STX1B: variants seen among roughly 807,000 people sequenced by gnomAD.
STX1B encodes syntaxin-1B.
In STX1B, 7 loss-of-function variants were observed where a neutral mutation model predicts 39.4. The ratio of observed to expected loss-of-function variants is 0.18; its 90% CI spans 0.10 to 0.33. The LOEUF (loss-of-function observed/expected upper bound fraction) is 0.33, where lower values mean the gene tolerates loss of function less well. Ranked by LOEUF, STX1B falls within the 10% of genes least tolerant of loss-of-function variation. STX1B has a pLI of 1.00. For missense variants in STX1B, 198 were observed against 383.2 expected (o/e 0.52, Z 4.04); for synonymous variants, 136 against 144.1 (o/e 0.94, Z 0.40).
chr16:31,000,824 C>T, intron 4 of STX1B, 104 bp downstream of exon 4: 2 of 1,159,090 alleles, frequency 1.7e-6, no homozygotes, highest in South Asian at 2.6e-5. Flanking sequence ...GTGTTGAACT[C>T]CTGGGATTGA....
chr16:30,999,407 G>T (rs1260221703), intron 4 of STX1B, among the ~76,000 whole-genome samples: 1 of 152,194 alleles, frequency 6.6e-6, no homozygotes, highest in Non-Finnish European at 1.5e-5. Flanking sequence ...ATGTGCCTCG[G>T]ACATTGGAGG....
chr16:30,993,300 C>A (rs1301851801), intron 8 of STX1B, 47 bp downstream of exon 8: 1 of 1,613,402 alleles, frequency 6.2e-7, no homozygotes, highest in East Asian at 2.2e-5. Flanking sequence ...GAGGGGACCT[C>A]AGGCCCAGGG....
rs1239414064 is a variant in STX1B, at chr16:30,997,581, GGA to G, written c.281-8_281-7del. 6.2e-7 allele frequency: 1 copy of G among 1,605,678 alleles called. No homozygotes were observed. Among genetic ancestry groups the G allele is most frequent in the Non-Finnish European group, 8.5e-7 (1 of 1,176,896 alleles). ...TTCAATGCTTTGCTCGATCGCTGCG[GGA>G]GAGAGGGCGCAGCGATGGGCGGGAG... On this transcript the variant is annotated splice_polypyrimidine_tract_variant and splice_region_variant and intron_variant, in intron 4 of 9. Transcript: ENST00000215095.
intron 4 of STX1B, 87 bp from the exon 5 acceptor site, chr16:30,997,662 G>A (rs1226149487): frequency 7.9e-7 from 1 of 1,261,112 alleles, no homozygotes; most frequent in Non-Finnish European, 1.1e-6. Context: ...AACACCCCGC[G>A]GCAGCGCCAG....
rs2056562836 is a variant in STX1B, at chr16:30,992,117, A to ACACG, written c.*703_*704insCGTG. The ACACG allele has an allele frequency of 6.6e-6, 1 of 151,436 alleles. No homozygotes were observed. The allele number at this position is 151,436 out of a possible 1,614,324, so 9.4% of individuals were successfully genotyped here. On this transcript the variant is annotated 3_prime_UTR_variant, in exon 10 of 10. Coordinates refer to ENST00000215095, the MANE Select transcript of STX1B (RefSeq NM_052874.5). ...CACACACACACACACACACACACAC[A>ACACG]TGCACACCCTCCTGGGACATGCCAC...
At chr16:31,003,312 C>T (rs1460707201) in intron 1 of STX1B, among the ~76,000 whole-genome samples, 8 of 152,218 alleles carry the variant, frequency 5.3e-5, no homozygotes, top group Non-Finnish European at 1.5e-5. Flanking sequence ...CTCACAGCTG[C>T]CCCCAGAAAG....
chr16:30,994,663 C>T (rs1292327758), intron 7 of STX1B, among the ~76,000 whole-genome samples: 1 of 151,566 alleles, frequency 6.6e-6, no homozygotes, highest in Non-Finnish European at 1.5e-5. Context: ...TCCACAAACA[C>T]CCAGCCTCAG....
intron 1 of STX1B, among the ~76,000 whole-genome samples, chr16:31,006,770 G>A (rs1220545473): frequency 1.3e-5 from 2 of 152,164 alleles, no homozygotes; most frequent in Admixed American, 6.5e-5. Flanking sequence ...GGAACAGCAT[G>A]CGCGAAGGTC....
intron 1 of STX1B, among the ~76,000 whole-genome samples, chr16:31,006,228 C>A (rs2056654486): frequency 6.6e-6 from 1 of 152,080 alleles, no homozygotes; most frequent in African/African-American, 2.4e-5. Flanking sequence ...CCTCCCCCTG[C>A]GCCCTTTCCC....
At chr16:31,004,750 C>T (rs2143683934) in intron 1 of STX1B, among the ~76,000 whole-genome samples, 1 of 152,150 alleles carries the variant, frequency 6.6e-6, no homozygotes, top group Admixed American at 6.5e-5. Flanking sequence ...TGAGCCTAGT[C>T]TCTGCATTTG....
intron 4 of STX1B, 59 bp from the exon 5 acceptor site, chr16:30,997,634 C>G: frequency 2.0e-6 from 3 of 1,500,566 alleles, no homozygotes; most frequent in Non-Finnish European, 2.7e-6. Context: ...GGCGAGGGTC[C>G]GGGGCGTACG....
At chr16:31,002,346 G>A (rs1261175761) in intron 1 of STX1B, among the ~76,000 whole-genome samples, 1 of 152,122 alleles carries the variant, frequency 6.6e-6, no homozygotes, top group Non-Finnish European at 1.5e-5. Flanking sequence ...GACACAAAGA[G>A]ATTTACCCAC....
rs1226901088 is a variant in STX1B, at chr16:31,001,786, A to G, written c.31-183T>C. Among the ~76,000 whole-genome samples, 1 of 152,192 alleles carries G rather than the reference A, an allele frequency of 6.6e-6. No individual in the cohort carries two copies. Among genetic ancestry groups the G allele is most frequent in the Non-Finnish European group, 1.5e-5 (1 of 68,024 alleles). On this transcript the variant is annotated intron_variant, in intron 1 of 9. Transcript: ENST00000215095. This position sits in a 1 kb window ranked among gnomAD's most constrained non-coding sequence, Gnocchi z 5.5. ...GGCAAAGGCACCAAAAGTGTTTGTC[A>G]GCCCAAAGGATTCCTTAGAAGGAAT...
intron 4 of STX1B, among the ~76,000 whole-genome samples, chr16:30,999,579 G>A (rs1259770141): frequency 3.3e-5 from 5 of 152,206 alleles, no homozygotes; most frequent in Non-Finnish European, 5.9e-5. Context: ...AAATTAGAGT[G>A]AATAAATGAA....
intron 7 of STX1B, among the ~76,000 whole-genome samples, chr16:30,995,989 C>T (rs2056589560): frequency 6.6e-6 from 1 of 152,008 alleles, no homozygotes; most frequent in African/African-American, 2.4e-5. Flanking sequence ...CCAGCCTGGG[C>T]AACAGAGGAA....
chr16:31,010,508 C>G lies in STX1B; in HGVS notation c.-112G>C, dbSNP rs1487273812. The G allele has an allele frequency of 2.2e-5, 14 of 644,232 alleles. No homozygotes were observed. Among genetic ancestry groups the G allele is most frequent in the Admixed American group, 5.6e-5 (1 of 17,964 alleles). The allele number at this position is 644,232 out of a possible 1,614,324, so 39.9% of individuals were successfully genotyped here. A position where few individuals can be genotyped will look rare whatever the true frequency, so the allele number is the denominator to read the frequency against. Reference sequence around the variant, plus strand: ...TGGGGGCGCCGGGGGGCGCCGCGGCCGCTGCGGGGGGCCTGCGGGCGGGGG... The same window carrying G: ...TGGGGGCGCCGGGGGGCGCCGCGGCGGCTGCGGGGGGCCTGCGGGCGGGGG... On this transcript the variant is annotated 5_prime_UTR_variant, in exon 1 of 10. Transcript: ENST00000215095.
rs1567378141 is a variant in STX1B, at chr16:30,997,084, CGGATCAGGGAGGTAGTCAG to C, written c.355-44_355-26del. The C allele has an allele frequency of 5.9e-6, 9 of 1,529,916 alleles. No homozygotes were observed. The South Asian group carries it at 7.9e-5, about 13-fold the overall frequency. The allele number at this position is 1,529,916 out of a possible 1,614,324, so 94.8% of individuals were successfully genotyped here. On this transcript the variant is annotated intron_variant, in intron 5 of 9. Coordinates refer to ENST00000215095, the MANE Select transcript of STX1B (RefSeq NM_052874.5). ...GCTACGGTGGGGGTGGGGGGACAGA[CGGATCAGGGAGGTAGTCAG>C]GGATCAGGGAGGGAGTCAGGGAGCA...
intron 5 of STX1B, among the ~76,000 whole-genome samples, 186 bp downstream of exon 5, chr16:30,997,316 C>T (rs972519008): frequency 3.9e-5 from 6 of 152,180 alleles, no homozygotes; most frequent in Admixed American, 2.6e-4. Flanking sequence ...TGAGATGCGG[C>T]TCGACCCCGC....
At position 31,010,371 on chromosome 16, in the gene STX1B, C is replaced by T. The variant is rs774963206; in HGVS notation, c.26G>A (p.Arg9Gln). The T allele has an allele frequency of 5.3e-6, 8 of 1,502,956 alleles. No individual in the cohort carries two copies. The highest frequency in any genetic ancestry group is 4.0e-5 in the South Asian group (3 of 74,104). 93.1% of individuals were successfully genotyped at this position (1,502,956 alleles called of 1,614,324 possible). A position where few individuals can be genotyped will look rare whatever the true frequency, so the allele number is the denominator to read the frequency against. Reference protein sequence around the residue: MKDRTQELRSAKDSDDEEE... With the variant: MKDRTQELQSAKDSDDEEE... ...TCTCCCCACCCCCAAGCTCACACTC[C>T]GCAGCTCTTGAGTCCGATCCTTCAT... The change falls in exon 1 of 10, where the codon CGG becomes CAG. Residue 9 changes from arginine to glutamine, a missense_variant. Physicochemically the swap from Arg to Gln is conservative, Grantham distance 43 (BLOSUM62 1). Coordinates refer to ENST00000215095, the MANE Select transcript of STX1B (RefSeq NM_052874.5).
Sources: allele counts gnomAD v4.1 joint callset (sites outside exome capture counted in the v4.1 genomes callset), GRCh38; gene constraint gnomAD v4.1.1; non-coding constraint Gnocchi (gnomAD v3.1); transcripts MANE v1.5; gene names NCBI Gene and HGNC (gene_info 2026-07-23, HGNC 2026-07-21).